Variants in ACTR3B observed in about 807,000 individuals in gnomAD.
The protein encoded by ACTR3B is actin-related protein 3B.
A neutral mutation model predicts 59.0 loss-of-function variants in ACTR3B; 8 were observed. The observed-to-expected ratio is 0.14, with a 90% CI of 0.08 to 0.24. ACTR3B has a LOEUF of 0.24. Among genes scored for constraint, ACTR3B ranks in the 10% least tolerant of loss-of-function variants. The probability of loss-of-function intolerance (pLI) is 1.00; values close to 1 mark genes in which losing one functional copy is unlikely to be tolerated. For synonymous variants in ACTR3B, 148 were observed against 197.9 expected, an observed-to-expected ratio of 0.75 and a Z score of 2.12; for missense variants, 245 against 552.3, an observed-to-expected ratio of 0.44 and a Z score of 5.58.
At chr7:152,772,564 G>A (rs1208997853) in intron 1 of ACTR3B, among the ~76,000 whole-genome samples, 1 of 151,218 alleles carries the variant, frequency 6.6e-6, no homozygotes, top group Non-Finnish European at 1.5e-5. Context: ...GGGCAAGAAG[G>A]AAGACAATGT....
chr7:152,785,378 AGGGGGGGGG>A, intron 2 of ACTR3B, among the ~76,000 whole-genome samples: 1 of 3,376 alleles, frequency 3.0e-4, no homozygotes, highest in African/African-American at 1.3e-3. Context: ...GTTTGTTGTG[AGGGGGGGGG>A]GAGGGGAGGG....
Position 152,787,163 on chromosome 7 carries a change from T to G in ACTR3B, c.100+3921T>G, listed in dbSNP as rs540230743. 2.0e-5 allele frequency among the ~76,000 whole-genome samples: 3 copies of G among 152,268 alleles called. No homozygotes were observed. The East Asian group carries it at 5.8e-4, about 29-fold the overall frequency. On this transcript the variant is annotated intron_variant, in intron 2 of 11. Transcript: ENST00000256001. ...TATCCCATCAGCAGTGTGTGAGAGT[T>G]TCTGTTTCATAGATTCTTGATAATT...
In ACTR3B at chr7:152,854,687, T is replaced by G. The variant is rs1469690183; in HGVS notation, c.*134T>G. 4.5e-6 allele frequency: 4 copies of G among 895,476 alleles called. No homozygotes were observed. In the Admixed American group the frequency reaches 6.3e-5, roughly 14 times the overall value. 55.5% of individuals were successfully genotyped at this position (895,476 alleles called of 1,614,324 possible). The stretch of plus-strand genomic sequence containing the variant: ...GCAGCGTGCTTGCATTGCCGGTGCA[T>G]GAGGCGCGGCGCGGGCCCTTCAGTA... On this transcript the variant is annotated 3_prime_UTR_variant, in exon 12 of 12. Transcript: ENST00000256001. The surrounding 1 kb of genome is among the most constrained non-coding windows in gnomAD (Gnocchi z 4.9).
intron 9 of ACTR3B, among the ~76,000 whole-genome samples, chr7:152,844,399 C>G (rs1226975974): frequency 2.0e-5 from 3 of 151,938 alleles, no homozygotes; most frequent in Admixed American, 6.6e-5. Flanking sequence ...TTAAAAAAAT[C>G]TATTACATTA....
chr7:152,764,065 G>A (rs1315694302), intron 1 of ACTR3B, among the ~76,000 whole-genome samples: 11 of 151,642 alleles, frequency 7.3e-5, no homozygotes, highest in Admixed American at 7.2e-4. Flanking sequence ...AAGTGCAGTG[G>A]TGTGACTTCA....
At chr7:152,815,251 C>T (rs537825095) in intron 5 of ACTR3B, among the ~76,000 whole-genome samples, 1 of 152,274 alleles carries the variant, frequency 6.6e-6, no homozygotes, top group East Asian at 1.9e-4. Flanking sequence ...GGAAAAGTTC[C>T]ATAGAAAGAT....
At chr7:152,777,651 A>G (rs1210202346) in intron 1 of ACTR3B, among the ~76,000 whole-genome samples, 4 of 152,218 alleles carry the variant, frequency 2.6e-5, no homozygotes, top group Non-Finnish European at 5.9e-5. Flanking sequence ...GTATACAGTT[A>G]TCATCTATAA....
At chr7:152,834,558 A>G (rs1797294699) in intron 9 of ACTR3B, among the ~76,000 whole-genome samples, 1 of 152,238 alleles carries the variant, frequency 6.6e-6, no homozygotes, top group Non-Finnish European at 1.5e-5. Flanking sequence ...GCTATGTATT[A>G]ACAGCATTAT....
intron 9 of ACTR3B, among the ~76,000 whole-genome samples, chr7:152,830,379 G>A (rs1796930329): frequency 6.6e-6 from 1 of 152,232 alleles, no homozygotes; most frequent in Non-Finnish European, 1.5e-5. Context: ...GTTGGGAGTT[G>A]TTAAAAACTC....
chr7:152,819,427 C>T (rs1186724659), intron 6 of ACTR3B, among the ~76,000 whole-genome samples: 13 of 152,204 alleles, frequency 8.5e-5, no homozygotes, highest in Admixed American at 7.9e-4. Context: ...CAGCGGTGGG[C>T]GTTGTCCACT....
intron 9 of ACTR3B, among the ~76,000 whole-genome samples, chr7:152,832,051 A>C (rs892599086): frequency 6.6e-6 from 1 of 152,172 alleles, no homozygotes; most frequent in African/African-American, 2.4e-5. Flanking sequence ...TAGGAAGGCC[A>C]TTGTAGAACC....
chr7:152,771,601 A>G (rs1237228084), intron 1 of ACTR3B, among the ~76,000 whole-genome samples: 1 of 152,234 alleles, frequency 6.6e-6, no homozygotes, highest in African/African-American at 2.4e-5. Flanking sequence ...TACTGTAGTC[A>G]GAGCTGGTGT....
At chr7:152,761,278 C>G (rs902749020) in intron 1 of ACTR3B, among the ~76,000 whole-genome samples, 7 of 152,210 alleles carry the variant, frequency 4.6e-5, no homozygotes, top group South Asian at 2.1e-4. Flanking sequence ...TAACTCATGC[C>G]CTCCCCCAAT....
At chr7:152,766,144 G>A (rs1198439699) in intron 1 of ACTR3B, among the ~76,000 whole-genome samples, 1 of 152,158 alleles carries the variant, frequency 6.6e-6, no homozygotes, top group African/African-American at 2.4e-5. Context: ...TCAGGACTAC[G>A]GTGAAAATGT....
At chr7:152,759,974 C>A (rs950520261) in intron 1 of ACTR3B, 48 bp downstream of exon 1, 27 of 1,298,402 alleles carry the variant, frequency 2.1e-5, no homozygotes, top group Middle Eastern at 2.8e-4. Context: ...GCCCCGCTCC[C>A]GGCCCCTGGC....
At chr7:152,785,112 G>A (rs2098167214) in intron 2 of ACTR3B, among the ~76,000 whole-genome samples, 1 of 151,766 alleles carries the variant, frequency 6.6e-6, no homozygotes. Flanking sequence ...GCTATAAAAG[G>A]CTGACCTTGC....
Position 152,820,583 on chromosome 7 carries a change from T to G in ACTR3B, c.684+141T>G. On this transcript the variant is annotated intron_variant, in intron 7 of 11. Coordinates refer to ENST00000256001, the MANE Select transcript of ACTR3B (RefSeq NM_020445.6). ...TGTGGGGCTTGATTTGTTTTACCCCTTAAGTGGGCTGAAGATGTAAAGCTT... is the reference window on the plus strand; with the variant it reads ...TGTGGGGCTTGATTTGTTTTACCCCGTAAGTGGGCTGAAGATGTAAAGCTT... 2.8e-6 allele frequency: 4 copies of G among 1,423,620 alleles called. No homozygotes were observed. The South Asian group carries it at 6.0e-5, about 21-fold the overall frequency. The allele number at this position is 1,423,620 out of a possible 1,614,324, so 88.2% of individuals were successfully genotyped here. A position where few individuals can be genotyped will look rare whatever the true frequency, so the allele number is the denominator to read the frequency against.
chr7:152,808,011 G>T (rs980180130), intron 4 of ACTR3B, among the ~76,000 whole-genome samples: 1 of 152,092 alleles, frequency 6.6e-6, no homozygotes, highest in Non-Finnish European at 1.5e-5. Context: ...CTAAAACTCT[G>T]TCCCCGTTGA....
At chr7:152,774,495 T>C (rs1438724128) in intron 1 of ACTR3B, among the ~76,000 whole-genome samples, 1 of 152,194 alleles carries the variant, frequency 6.6e-6, no homozygotes. Flanking sequence ...GCTTTGGTTT[T>C]AGTGGGGCTT....
Sources: allele counts gnomAD v4.1 joint callset (sites outside exome capture counted in the v4.1 genomes callset), GRCh38; gene constraint gnomAD v4.1.1; non-coding constraint Gnocchi (gnomAD v3.1); transcripts MANE v1.5; gene names NCBI Gene and HGNC (gene_info 2026-07-23, HGNC 2026-07-21).